The following DTWD1 variants were observed in gnomAD, a reference collection of about 807,000 sequenced individuals.
DTWD1 encodes the protein tRNA-uridine aminocarboxypropyltransferase 1.
DTWD1 carries 27 observed loss-of-function variants against 30.2 expected under a neutral mutation model. That is an observed-to-expected ratio of 0.90 (90% CI 0.66 to 1.23). The LOEUF is 1.23. Among genes scored for constraint, DTWD1 ranks in the 50% most tolerant of loss-of-function variants. The pLI is 0.00. For missense variants in DTWD1, 342 were observed against 348.8 expected (o/e 0.98, Z 0.15); for synonymous variants, 99 against 113.1 (o/e 0.88, Z 0.79).
At chr15:49,624,504 A>G (rs188715254) in intron 1 of DTWD1, among the ~76,000 whole-genome samples, 2 of 152,340 alleles carry the variant, frequency 1.3e-5, no homozygotes, top group Admixed American at 1.3e-4. Flanking sequence ...AAATTCTTAG[A>G]GTAAGTGGAC....
In DTWD1 at chr15:49,654,377, T is replaced by C. The variant is rs541337926; in HGVS notation, c.*10799T>C. 6.6e-6 allele frequency: 1 copy of C among 152,010 alleles called. No individual in the cohort carries two copies. Among genetic ancestry groups the C allele is most frequent in the East Asian group, 1.9e-4 (1 of 5,152 alleles). The allele number at this position is 152,010 out of a possible 1,614,324, so 9.4% of individuals were successfully genotyped here. A position where few individuals can be genotyped will look rare whatever the true frequency, so the allele number is the denominator to read the frequency against. ...GGACTCCTCTCTTCAGAGGGTAGAG[T>C]CCATTTCCTTTTCCTTTTAATCTGG... On this transcript the variant is annotated 3_prime_UTR_variant, in exon 5 of 5. Transcript: ENST00000403028.
rs111446752 is a variant in DTWD1 at position 49,634,796 on chromosome 15, T to TA, written c.667+12dup. The TA allele has an allele frequency of 9.9e-4, 1,425 of 1,434,134 alleles. 2 individuals carry two copies. The highest frequency in any genetic ancestry group is 6.4e-3 in the South Asian group (455 of 70,936). The allele number at this position is 1,434,134 out of a possible 1,614,324, so 88.8% of individuals were successfully genotyped here. On this transcript the variant is annotated splice_region_variant and intron_variant, in intron 4 of 4. Transcript: ENST00000403028. The stretch of plus-strand genomic sequence containing the variant: ...TATTCACTGATGAGCGACTTCAAGG[T>TA]AAAAAAAAAATGTTTTTTTGGACTG...
rs2078973662 is a variant in DTWD1, at chr15:49,634,459, A to C, written c.409-77A>C. 4 of 1,442,342 alleles carry C rather than the reference A, an allele frequency of 2.8e-6. No homozygotes were observed. In the South Asian group the frequency reaches 6.2e-5, roughly 22 times the overall value. The allele number at this position is 1,442,342 out of a possible 1,614,324, so 89.3% of individuals were successfully genotyped here. The stretch of plus-strand genomic sequence containing the variant: ...TCAGATATTCAACATATCTTTCTTA[A>C]AATTTTAAGTCAATCAAAATTTATA... On this transcript the variant is annotated intron_variant, in intron 3 of 4. Coordinates refer to ENST00000403028, the MANE Select transcript of DTWD1 (RefSeq NM_001144955.2).
chr15:49,631,441 CT>C (rs1472417417), intron 2 of DTWD1, among the ~76,000 whole-genome samples: 1 of 152,104 alleles, frequency 6.6e-6, no homozygotes, highest in African/African-American at 2.4e-5. Context: ...AGATCTGAAG[CT>C]TTTTGCCCAA....
At position 49,646,333 on chromosome 15, in the gene DTWD1, A is replaced by T. The variant is rs921002979; in HGVS notation, c.*2755A>T. 1.7e-4 allele frequency: 26 copies of T among 152,220 alleles called. No individual in the cohort carries two copies. Among genetic ancestry groups the T allele is most frequent in the African/African-American group, 5.8e-4 (24 of 41,462 alleles). 9.4% of individuals were successfully genotyped at this position (152,220 alleles called of 1,614,324 possible). On this transcript the variant is annotated 3_prime_UTR_variant, in exon 5 of 5. Coordinates refer to ENST00000403028, the MANE Select transcript of DTWD1 (RefSeq NM_001144955.2). Reference sequence around the variant, plus strand: ...TCATCTTTGGATGCATTATCAGATCATCTTCTTCAAGTACCTTAGAAGATT... The same window carrying T: ...TCATCTTTGGATGCATTATCAGATCTTCTTCTTCAAGTACCTTAGAAGATT...
chr15:49,633,938 A>G (rs1458577662), intron 3 of DTWD1, among the ~76,000 whole-genome samples: 3 of 152,124 alleles, frequency 2.0e-5, no homozygotes, highest in Non-Finnish European at 4.4e-5. Flanking sequence ...TTAATTTTTC[A>G]CTGTAATAAA....
chr15:49,638,065 A>G (rs1264652776), intron 4 of DTWD1, among the ~76,000 whole-genome samples: 1 of 152,220 alleles, frequency 6.6e-6, no homozygotes, highest in Non-Finnish European at 1.5e-5. Flanking sequence ...AAAGAGAGAA[A>G]GGGAACACTG....
At chr15:49,639,386 C>A (rs2079039409) in intron 4 of DTWD1, among the ~76,000 whole-genome samples, 1 of 151,986 alleles carries the variant, frequency 6.6e-6, no homozygotes, top group Non-Finnish European at 1.5e-5. Flanking sequence ...CATAGCAAGG[C>A]CTACATCTCA....
At chr15:49,623,522 C>G (rs1325533712) in intron 1 of DTWD1, 1 of 152,060 alleles carries the variant, frequency 6.6e-6, no homozygotes, top group Non-Finnish European at 1.5e-5. Flanking sequence ...CCTTAACCTC[C>G]CAAATGCTAG....
chr15:49,629,665 C>G (rs780232627), intron 2 of DTWD1: 9 of 152,084 alleles, frequency 5.9e-5, no homozygotes, highest in Admixed American at 3.9e-4. Context: ...TGAGGAAACT[C>G]TGATGTAGTG....
At chr15:49,634,391 A>G (rs569081930) in intron 3 of DTWD1, 145 bp from the exon 4 acceptor site, 629 of 728,056 alleles carry the variant, frequency 8.6e-4, no homozygotes, top group Non-Finnish European at 1.1e-3. Context: ...TACCATACAT[A>G]TTAAAGAACC....
rs2079162442 is a variant in DTWD1 at position 49,653,210 on chromosome 15, C to T, written c.*9632C>T. On this transcript the variant is annotated 3_prime_UTR_variant, in exon 5 of 5. Transcript: ENST00000403028. The stretch of plus-strand genomic sequence containing the variant: ...AAATGTAGAGATTATCCTGAATTAT[C>T]TAGGTAGGCTCAATATAAGCATGAG... The T allele has an allele frequency of 6.6e-6, 1 of 152,006 alleles. No homozygotes were observed. Among genetic ancestry groups the T allele is most frequent in the Non-Finnish European group, 1.5e-5 (1 of 67,996 alleles). 9.4% of individuals were successfully genotyped at this position (152,006 alleles called of 1,614,324 possible). A position where few individuals can be genotyped will look rare whatever the true frequency, so the allele number is the denominator to read the frequency against.
chr15:49,621,753 G>GT (rs943489429), intron 1 of DTWD1, among the ~76,000 whole-genome samples: 1 of 152,196 alleles, frequency 6.6e-6, no homozygotes, highest in African/African-American at 2.4e-5. Flanking sequence ...AGGCAAGACA[G>GT]TTTGTTACCA....
rs573644660 is a variant in DTWD1, at chr15:49,653,651, C to T, written c.*10073C>T. On this transcript the variant is annotated 3_prime_UTR_variant, in exon 5 of 5. Transcript: ENST00000403028. ...AGTTATGCATTGACAGAATGCTTAG[C>T]AATAATTTTGCTTGTCTTAATGTGG... 6.6e-6 allele frequency: 1 copy of T among 152,116 alleles called. No homozygotes were observed. Among genetic ancestry groups the T allele is most frequent in the Admixed American group, 6.6e-5 (1 of 15,266 alleles). 9.4% of individuals were successfully genotyped at this position (152,116 alleles called of 1,614,324 possible).
At position 49,654,942 on chromosome 15, in the gene DTWD1, C is replaced by A. The variant is rs2079170460; in HGVS notation, c.*11364C>A. On this transcript the variant is annotated 3_prime_UTR_variant, in exon 5 of 5. Coordinates refer to ENST00000403028, the MANE Select transcript of DTWD1 (RefSeq NM_001144955.2). ...TCCTGGTTTGCAGACAGCCATCTTC[C>A]TGCTATATCCTCACATGATGCAGAG... The A allele has an allele frequency of 6.6e-6, 1 of 152,046 alleles. No homozygotes were observed. The highest frequency in any genetic ancestry group is 2.4e-5 in the African/African-American group (1 of 41,436). The allele number at this position is 152,046 out of a possible 1,614,324, so 9.4% of individuals were successfully genotyped here.
At chr15:49,638,071 C>G (rs969230957) in intron 4 of DTWD1, among the ~76,000 whole-genome samples, 1 of 152,216 alleles carries the variant, frequency 6.6e-6, no homozygotes, top group Non-Finnish European at 1.5e-5. Context: ...AGAAAGGGAA[C>G]ACTGCCTGCC....
Position 49,625,097 on chromosome 15 carries a change from T to C in DTWD1, c.-55-16T>C, listed in dbSNP as rs1042806540. ...CTGTTTTTATTTTTCCTTCTCTTGA[T>C]ACTTTTTTTTTACAGTGCACCTATG... On this transcript the variant is annotated splice_polypyrimidine_tract_variant and intron_variant, in intron 1 of 4. Coordinates refer to ENST00000403028, the MANE Select transcript of DTWD1 (RefSeq NM_001144955.2). 6 of 1,410,624 alleles carry C rather than the reference T, an allele frequency of 4.3e-6. No homozygotes were observed. In the South Asian group the frequency reaches 6.7e-5, roughly 16 times the overall value. The allele number at this position is 1,410,624 out of a possible 1,614,324, so 87.4% of individuals were successfully genotyped here.
Position 49,652,442 on chromosome 15 carries a change from G to A in DTWD1, c.*8864G>A, listed in dbSNP as rs142680311. 6.6e-6 allele frequency: 1 copy of A among 152,088 alleles called. No individual in the cohort carries two copies. The highest frequency in any genetic ancestry group is 1.5e-5 in the Non-Finnish European group (1 of 68,022). The allele number at this position is 152,088 out of a possible 1,614,324, so 9.4% of individuals were successfully genotyped here. On this transcript the variant is annotated 3_prime_UTR_variant, in exon 5 of 5. Transcript: ENST00000403028. ...CAAATTGAGACTAATGTGTAGGTGT[G>A]GCAACCCATCCTCAAAAGGGCATGA... is the stretch of plus-strand genomic sequence containing the variant.
rs1190259428 is a variant in DTWD1 at position 49,654,482 on chromosome 15, C to T, written c.*10904C>T. 6.6e-6 allele frequency: 1 copy of T among 151,878 alleles called. No individual in the cohort carries two copies. The highest frequency in any genetic ancestry group is 1.5e-5 in the Non-Finnish European group (1 of 67,996). 9.4% of individuals were successfully genotyped at this position (151,878 alleles called of 1,614,324 possible). On this transcript the variant is annotated 3_prime_UTR_variant, in exon 5 of 5. Transcript: ENST00000403028. ...AGTTTTCACTTTCACTCTCCTGAAC[C>T]TTCATATTAGAATTCCAGGATATCC...
Sources: allele counts gnomAD v4.1 joint callset (sites outside exome capture counted in the v4.1 genomes callset), GRCh38; gene constraint gnomAD v4.1.1; transcripts MANE v1.5; gene names NCBI Gene and HGNC (gene_info 2026-07-23, HGNC 2026-07-21).